The following GRIK4 variants were observed in gnomAD, a reference collection of about 807,000 sequenced individuals.
The protein encoded by GRIK4 is glutamate ionotropic receptor kainate type subunit 4.
In GRIK4, 40 loss-of-function variants were observed where a neutral mutation model predicts 104.9. That is an observed-to-expected ratio of 0.38 (90% confidence interval 0.30 to 0.50). GRIK4 has a LOEUF of 0.50. Ranked by LOEUF, GRIK4 falls within the 20% of genes least tolerant of loss-of-function variation. GRIK4 has a pLI of 0.93. For missense variants in GRIK4, 1,047 were observed against 1,308.1 expected, an observed-to-expected ratio of 0.80 and a Z score of 3.08; for synonymous variants, 485 against 524.9, an observed-to-expected ratio of 0.92 and a Z score of 1.04.
At chr11:120,681,438 T>G (rs1950192014) in intron 3 of GRIK4, among the ~76,000 whole-genome samples, 1 of 152,210 alleles carries the variant, frequency 6.6e-6, no homozygotes, top group Non-Finnish European at 1.5e-5. Flanking sequence ...CAACAGGTGC[T>G]GCGCCTTTAG....
intron 1 of GRIK4, among the ~76,000 whole-genome samples, chr11:120,602,632 G>A (rs759134426): frequency 7.2e-5 from 11 of 152,334 alleles, no homozygotes; most frequent in Non-Finnish European, 1.2e-4. Context: ...CCATAGTTCC[G>A]ATTGAAGGCC....
chr11:120,822,211 CAA>C (rs34732807), intron 6 of GRIK4, among the ~76,000 whole-genome samples: 2,424 of 71,574 alleles, frequency 0.034, 45 homozygotes, highest in African/African-American at 0.092. Flanking sequence ...AACCCTATCT[CAA>C]AAAAAAAAAA....
At chr11:120,758,113 T>G (rs1056529213) in intron 3 of GRIK4, among the ~76,000 whole-genome samples, 3 of 152,144 alleles carry the variant, frequency 2.0e-5, no homozygotes, top group African/African-American at 7.2e-5. Context: ...GCACAGTCCA[T>G]GCCCCTCACA....
At chr11:120,941,072 G>T (rs192010360) in intron 14 of GRIK4, among the ~76,000 whole-genome samples, 496 of 152,270 alleles carry the variant, frequency 3.3e-3, no homozygotes, top group Admixed American at 7.9e-3. Flanking sequence ...TATACTGGCC[G>T]GTGGGAAGAG....
At position 120,839,889 on chromosome 11, in the gene GRIK4, G is replaced by T. The variant is rs183162868; in HGVS notation, c.744+3045G>T. ...GGGACAAAATTATCCATCACGAATC[G>T]AACTTCTAAACCATCAGTTCATTTG... On this transcript the variant is annotated intron_variant, in intron 8 of 20. Transcript: ENST00000527524. 2.0e-5 allele frequency among the ~76,000 whole-genome samples: 3 copies of T among 152,310 alleles called. No homozygotes were observed. In the East Asian group the frequency reaches 5.8e-4, roughly 29 times the overall value.
chr11:120,578,683 C>T (rs2135088633), intron 1 of GRIK4, among the ~76,000 whole-genome samples: 1 of 152,384 alleles, frequency 6.6e-6, no homozygotes, highest in South Asian at 2.1e-4. Flanking sequence ...CACTCAGCCA[C>T]TGCCCCTCGG....
At chr11:120,795,717 G>T (rs1421423282) in intron 3 of GRIK4, among the ~76,000 whole-genome samples, 31 of 152,154 alleles carry the variant, frequency 2.0e-4, no homozygotes, top group Non-Finnish European at 4.4e-5. Context: ...AAATTAATTT[G>T]GGATGGGGAG....
intron 1 of GRIK4, among the ~76,000 whole-genome samples, chr11:120,627,294 G>C (rs1949273139): frequency 6.6e-6 from 1 of 152,190 alleles, no homozygotes. Flanking sequence ...ATTTTAGATG[G>C]GAACCTGCAC....
intron 13 of GRIK4, among the ~76,000 whole-genome samples, chr11:120,907,443 T>G (rs1483735972): frequency 9.2e-5 from 14 of 152,172 alleles, no homozygotes; most frequent in Admixed American, 9.2e-4. Context: ...ATCTTAGAAT[T>G]CACCCCAGAT....
Position 120,617,759 on chromosome 11 carries a change from G to A in GRIK4, c.-158-35926G>A, listed in dbSNP as rs566354271. On this transcript the variant is annotated intron_variant, in intron 1 of 20. Transcript: ENST00000527524. ...AAGTGCTCACTCCTCCTTTGCCTTT[G>A]GCCATGATTGTAAGTTTTCTGAGGC... Among the ~76,000 whole-genome samples, 3 of 152,168 alleles carry A rather than the reference G, an allele frequency of 2.0e-5. No homozygotes were observed. The South Asian group carries it at 6.2e-4, about 32-fold the overall frequency.
intron 1 of GRIK4, among the ~76,000 whole-genome samples, chr11:120,627,005 A>G (rs1383361993): frequency 1.3e-5 from 2 of 152,170 alleles, no homozygotes; most frequent in Non-Finnish European, 1.5e-5. Context: ...GGGCTTCTCC[A>G]CTGCCCAAGG....
chr11:120,514,655 C>A (rs1044072024), intron 1 of GRIK4, among the ~76,000 whole-genome samples: 2 of 152,114 alleles, frequency 1.3e-5, no homozygotes, highest in African/African-American at 4.8e-5. Flanking sequence ...GCCTGGGTGT[C>A]CCGCCACTCC....
At chr11:120,762,850 T>C (rs1023372663) in intron 3 of GRIK4, among the ~76,000 whole-genome samples, 2 of 152,246 alleles carry the variant, frequency 1.3e-5, no homozygotes, top group African/African-American at 2.4e-5. Flanking sequence ...TAGTATTTTA[T>C]TGAGGATTTT....
intron 4 of GRIK4, among the ~76,000 whole-genome samples, chr11:120,808,477 C>T (rs557590682): frequency 1.9e-3 from 293 of 152,278 alleles, no homozygotes; most frequent in African/African-American, 6.8e-3. Flanking sequence ...TGCACGGTGG[C>T]TTGGGACCAG....
At chr11:120,867,183 C>T (rs1954443839) in intron 9 of GRIK4, among the ~76,000 whole-genome samples, 1 of 152,170 alleles carries the variant, frequency 6.6e-6, no homozygotes, top group African/African-American at 2.4e-5. Context: ...GGAAAGGAAG[C>T]TCACGGCAGC....
At chr11:120,781,391 C>G (rs181922659) in intron 3 of GRIK4, among the ~76,000 whole-genome samples, 1 of 152,108 alleles carries the variant, frequency 6.6e-6, no homozygotes, top group Non-Finnish European at 1.5e-5. Flanking sequence ...TACTCTGTCA[C>G]CCAGGCTAGA....
intron 3 of GRIK4, among the ~76,000 whole-genome samples, chr11:120,720,918 A>C (rs1195085617): frequency 6.6e-6 from 1 of 152,114 alleles, no homozygotes; most frequent in East Asian, 1.9e-4. Flanking sequence ...CAGAAGAGAG[A>C]GGGACAAGAA....
chr11:120,659,301 G>A (rs1949773014), intron 2 of GRIK4, among the ~76,000 whole-genome samples: 1 of 152,184 alleles, frequency 6.6e-6, no homozygotes, highest in Non-Finnish European at 1.5e-5. Context: ...CTGGTTTTCA[G>A]CGGTAGTAGA....
intron 14 of GRIK4, among the ~76,000 whole-genome samples, chr11:120,946,893 G>A (rs1392117080): frequency 6.6e-6 from 1 of 152,098 alleles, no homozygotes; most frequent in East Asian, 1.9e-4. Flanking sequence ...TTTCCCATCT[G>A]AGGATACTAT....
Sources: gnomAD v4.1 joint callset for allele counts (sites outside exome capture counted in the v4.1 genomes callset) on GRCh38, gnomAD v4.1.1 for gene constraint, MANE v1.5 for transcripts, NCBI Gene and HGNC (gene_info 2026-07-23, HGNC 2026-07-21) for gene names.